FES: variants seen among roughly 807,000 people sequenced by gnomAD.
The protein encoded by FES is FES proto-oncogene, tyrosine kinase.
A neutral mutation model predicts 109.6 loss-of-function variants in FES; 83 were observed. That is an observed-to-expected ratio of 0.76 (90% CI 0.63 to 0.91). The LOEUF (loss-of-function observed/expected upper bound fraction) is 0.91, where lower values mean the gene tolerates loss of function less well. Among genes scored for constraint, FES ranks in the 40% least tolerant of loss-of-function variants. The pLI is 0.00. For missense variants in FES, 943 were observed against 1,070.9 expected (o/e 0.88, Z 1.67); for synonymous variants, 458 against 442.1 (o/e 1.04, Z -0.45).
chr15:90,886,811 T>G, intron 3 of FES, 150 bp from the exon 4 acceptor site: 1 of 670,340 alleles, frequency 1.5e-6, no homozygotes, highest in Non-Finnish European at 2.6e-6. Context: ...GGCTCTCTGA[T>G]CTTTGACTCT....
Position 90,891,059 on chromosome 15 carries a change from G to C in FES, c.1398G>C (p.Pro466=), listed in dbSNP as rs753965166. The change falls in exon 11 of 19, where the codon CCG becomes CCC. Residue 466 remains proline (P), a synonymous_variant. Transcript: ENST00000328850. ...HEQLWYHGAI[P]RAEVAELLVH... Reference sequence around the variant, plus strand: ...AGCTGTGGTACCACGGGGCCATCCCGAGGGCAGAGGTGGCTGAGCTGCTGG... The same window carrying C: ...AGCTGTGGTACCACGGGGCCATCCCCAGGGCAGAGGTGGCTGAGCTGCTGG... 10 of 1,598,456 alleles carry C rather than the reference G, an allele frequency of 6.3e-6. No homozygotes were observed. The highest frequency in any genetic ancestry group is 5.2e-5 in the Admixed American group (3 of 57,738).
At chr15:90,886,871 C>T (rs964889217) in intron 3 of FES, 90 bp from the exon 4 acceptor site, 13 of 1,242,976 alleles carry the variant, frequency 1.0e-5, no homozygotes, top group African/African-American at 6.0e-5. Context: ...CCTTGCCTGA[C>T]GACAGGACCT....
chr15:90,894,168 T>A, intron 18 of FES, 110 bp downstream of exon 18: 2 of 1,313,580 alleles, frequency 1.5e-6, no homozygotes, highest in South Asian at 2.7e-5. Context: ...AGAATAAGAA[T>A]AACCTGGCCA....
At chr15:90,894,401 A>G (rs2033520435) in intron 18 of FES, among the ~76,000 whole-genome samples, 1 of 152,140 alleles carries the variant, frequency 6.6e-6, no homozygotes, top group Admixed American at 6.5e-5. Flanking sequence ...CCAGACCAAC[A>G]TGGTGAAACC....
intron 11 of FES, 120 bp from the exon 12 acceptor site, chr15:90,891,434 G>A: frequency 1.4e-6 from 2 of 1,381,276 alleles, no homozygotes; most frequent in East Asian, 2.3e-5. Flanking sequence ...CTTTTCTGGA[G>A]GTCTCTCTGC....
intron 5 of FES, among the ~76,000 whole-genome samples, chr15:90,888,442 G>A (rs1342544813): frequency 6.6e-6 from 1 of 152,198 alleles, no homozygotes; most frequent in African/African-American, 2.4e-5. Flanking sequence ...TCTGGCTGCT[G>A]TGCTGCAAAT....
chr15:90,893,332 C>G lies in FES; in HGVS notation c.1963C>G (p.Leu655Val). 1 of 1,578,256 alleles carries G rather than the reference C, an allele frequency of 6.3e-7. No homozygotes were observed. Among genetic ancestry groups the G allele is most frequent in the African/African-American group, 1.3e-5 (1 of 74,366 alleles). The stretch of plus-strand genomic sequence containing the variant: ...CTTCCTCCGCACGGAGGGGGCCCGC[C>G]TGCGGGTGAAGACTCTGCTGCAGAT... ...LTFLRTEGAR[L>V]RVKTLLQMVG... Residue 655 changes from leucine to valine, a missense_variant, in exon 16 of 19, where the codon CTG becomes GTG. Physicochemically the swap from Leu to Val is conservative, Grantham distance 32. Transcript: ENST00000328850.
At chr15:90,894,330 A>G (rs2033514697) in intron 18 of FES, among the ~76,000 whole-genome samples, 1 of 152,194 alleles carries the variant, frequency 6.6e-6, no homozygotes, top group Admixed American at 6.5e-5. Context: ...CACACCTGTA[A>G]TCCCAGCACT....
chr15:90,884,816 C>T, intron 1 of FES: 1 of 519,808 alleles, frequency 1.9e-6, no homozygotes, highest in Non-Finnish European at 3.4e-6. Context: ...GGCTCCTGTT[C>T]CCGAACGTGC....
At chr15:90,888,573 T>A (rs2032884942) in intron 5 of FES, among the ~76,000 whole-genome samples, 1 of 103,086 alleles carries the variant, frequency 9.7e-6, no homozygotes, top group Non-Finnish European at 2.0e-5. Flanking sequence ...CGCGGTCAGG[T>A]CCTGGAAGGT....
chr15:90,894,126 T>A, intron 18 of FES, 68 bp downstream of exon 18: 1 of 1,561,294 alleles, frequency 6.4e-7, no homozygotes, highest in Non-Finnish European at 8.7e-7. Flanking sequence ...CGGACTCTTC[T>A]AACTCCCTTA....
In FES at chr15:90,889,476, G is replaced by T; in HGVS notation, c.806+33G>T. 1 of 1,613,874 alleles carries T rather than the reference G, an allele frequency of 6.2e-7. No individual in the cohort carries two copies. The highest frequency in any genetic ancestry group is 8.5e-7 in the Non-Finnish European group (1 of 1,179,986). The stretch of plus-strand genomic sequence containing the variant: ...CCGTCCTTGCTCCTGCTGGGCCCAG[G>T]GCTGCTGGCCTGTCCACTGACGGGG... On this transcript the variant is annotated intron_variant, in intron 6 of 18. Coordinates refer to ENST00000328850, the MANE Select transcript of FES (RefSeq NM_002005.4). The surrounding 1 kb of genome is among the most constrained non-coding windows in gnomAD (Gnocchi z 6.1).
Position 90,889,477 on chromosome 15 carries a change from G to A in FES, c.806+34G>A, listed in dbSNP as rs111693762. On this transcript the variant is annotated intron_variant, in intron 6 of 18. Transcript: ENST00000328850. This position sits in a 1 kb window ranked among gnomAD's most constrained non-coding sequence, Gnocchi z 6.1. ...CGTCCTTGCTCCTGCTGGGCCCAGG[G>A]CTGCTGGCCTGTCCACTGACGGGGC... 3.1e-6 allele frequency: 5 copies of A among 1,613,822 alleles called. No individual in the cohort carries two copies. Among genetic ancestry groups the A allele is most frequent in the Admixed American group, 1.7e-5 (1 of 60,030 alleles).
intron 5 of FES, among the ~76,000 whole-genome samples, chr15:90,888,744 G>GTTCA (rs1216827190): frequency 2.0e-4 from 28 of 139,534 alleles, no homozygotes; most frequent in African/African-American, 7.3e-4. Context: ...AAGGATAGCA[G>GTTCA]TTCATTTATT....
intron 10 of FES, 172 bp downstream of exon 10, chr15:90,890,656 A>G: frequency 3.1e-6 from 2 of 649,830 alleles, no homozygotes; most frequent in South Asian, 1.9e-5. Flanking sequence ...CTCCCTTTCC[A>G]TCGCCCCAGT....
At position 90,885,083 on chromosome 15, in the gene FES, A is replaced by G. The variant is rs1355604437; in HGVS notation, c.38A>G (p.His13Arg). The change falls in exon 2 of 19, where the codon CAC becomes CGC. Residue 13 changes from histidine (H) to arginine (R), a missense_variant. Physicochemically the swap from His to Arg is conservative, Grantham distance 29 (BLOSUM62 0). Transcript: ENST00000328850. ...FSSELCSPQGHGVLQQMQEAE... is the reference protein window; with the variant it reads ...FSSELCSPQGRGVLQQMQEAE... ...TCCGAGCTGTGCAGCCCCCAGGGCCACGGGGTCCTGCAGCAAATGCAGGAG... is the reference window on the plus strand; with the variant it reads ...TCCGAGCTGTGCAGCCCCCAGGGCCGCGGGGTCCTGCAGCAAATGCAGGAG... 3 of 1,613,292 alleles carry G rather than the reference A, an allele frequency of 1.9e-6. No homozygotes were observed. Among genetic ancestry groups the G allele is most frequent in the Non-Finnish European group, 2.5e-6 (3 of 1,179,988 alleles).
rs2033431634 is a variant in FES at position 90,893,533 on chromosome 15, CTG to C, written c.2046-118_2046-117del. 2.7e-6 allele frequency: 4 copies of C among 1,491,648 alleles called. No individual in the cohort carries two copies. The East Asian group carries it at 9.2e-5, about 34-fold the overall frequency. The allele number at this position is 1,491,648 out of a possible 1,614,324, so 92.4% of individuals were successfully genotyped here. A position where few individuals can be genotyped will look rare whatever the true frequency, so the allele number is the denominator to read the frequency against. ...TCAGCTCCAGAGGGGGAGTTGGCCT[CTG>C]TGGTAGACAGGGGTGCCCAGGGCCG... On this transcript the variant is annotated intron_variant, in intron 16 of 18. Coordinates refer to ENST00000328850, the MANE Select transcript of FES (RefSeq NM_002005.4).
Position 90,885,582 on chromosome 15 carries a change from C to A in FES, c.384C>A (p.Thr128=), listed in dbSNP as rs1275428875. The part of the protein sequence containing the change: ...EQWQQLQQEL[T]KTHSQDIEKL... ...GGCAGCAGCTGCAGCAGGAGCTCAC[C>A]AAGGTGAGCGGGCAGCACTGGGGCT... Residue 128 remains threonine, a synonymous_variant, in exon 3 of 19, where the codon ACC becomes ACA. Coordinates refer to ENST00000328850, the MANE Select transcript of FES (RefSeq NM_002005.4). The A allele has an allele frequency of 3.1e-6, 5 of 1,612,542 alleles. No individual in the cohort carries two copies. In the African/African-American group the frequency reaches 4.0e-5, roughly 13 times the overall value.
At chr15:90,887,395 G>T (rs768657168) in intron 5 of FES, 25 bp downstream of exon 5, 39 of 1,585,942 alleles carry the variant, frequency 2.5e-5, no homozygotes, top group Non-Finnish European at 3.4e-6. Context: ...CCGTCCCCTG[G>T]CCCCCACCCT....
Sources: gnomAD v4.1 joint callset for allele counts (sites outside exome capture counted in the v4.1 genomes callset) on GRCh38, gnomAD v4.1.1 for gene constraint, Gnocchi (gnomAD v3.1) non-coding constraint, MANE v1.5 for transcripts, NCBI Gene and HGNC (gene_info 2026-07-23, HGNC 2026-07-21) for gene names.